EYA2: variants seen among roughly 807,000 people sequenced by gnomAD.
EYA2 encodes EYA transcriptional coactivator and phosphatase 2, also known as protein phosphatase EYA2.
Under a neutral mutation model 69.2 loss-of-function variants are expected in EYA2, and 31 were observed. The ratio of observed to expected loss-of-function variants is 0.45; its 90% CI spans 0.34 to 0.60. The LOEUF (loss-of-function observed/expected upper bound fraction) is 0.60, where lower values mean the gene tolerates loss of function less well. Ranked by LOEUF, EYA2 falls within the 20% of genes least tolerant of loss-of-function variation. The pLI, the probability that EYA2 is intolerant of heterozygous loss-of-function variation, is 0.02. For synonymous variants in EYA2, 257 were observed against 279.4 expected, an observed-to-expected ratio of 0.92 and a Z score of 0.80; for missense variants, 622 against 701.2, an observed-to-expected ratio of 0.89 and a Z score of 1.28.
At chr20:47,006,494 G>A (rs1982724090) in intron 4 of EYA2, among the ~76,000 whole-genome samples, 1 of 152,206 alleles carries the variant, frequency 6.6e-6, no homozygotes, top group Non-Finnish European at 1.5e-5. Flanking sequence ...TTCCTCAATT[G>A]TAAAATTAAT....
intron 9 of EYA2, among the ~76,000 whole-genome samples, chr20:47,125,505 T>C (rs1477987780): frequency 6.6e-6 from 1 of 152,210 alleles, no homozygotes; most frequent in Non-Finnish European, 1.5e-5. Flanking sequence ...CATTTTCTTG[T>C]CTTCCTCTAA....
intron 5 of EYA2, among the ~76,000 whole-genome samples, chr20:47,048,623 G>A (rs2030166602): frequency 6.6e-6 from 1 of 152,204 alleles, no homozygotes; most frequent in Non-Finnish European, 1.5e-5. Flanking sequence ...TTTAATCACA[G>A]CTACTCGGGA....
intron 9 of EYA2, among the ~76,000 whole-genome samples, chr20:47,125,515 A>G (rs1478832760): frequency 6.6e-6 from 1 of 152,084 alleles, no homozygotes; most frequent in Non-Finnish European, 1.5e-5. Flanking sequence ...TCTTCCTCTA[A>G]AAAAAATTTT....
chr20:47,126,397 C>T (rs1179293791), intron 9 of EYA2, among the ~76,000 whole-genome samples: 2 of 152,110 alleles, frequency 1.3e-5, no homozygotes, highest in South Asian at 2.1e-4. Context: ...AGGTAGATGC[C>T]GTGGGTTTTC....
At chr20:46,942,956 G>C (rs1020195054) in intron 1 of EYA2, among the ~76,000 whole-genome samples, 2 of 152,164 alleles carry the variant, frequency 1.3e-5, no homozygotes, top group African/African-American at 4.8e-5. Context: ...AGTAGAGACG[G>C]AGTTTCACCA....
chr20:47,166,226 C>G (rs1004997489), intron 10 of EYA2, among the ~76,000 whole-genome samples: 20 of 151,312 alleles, frequency 1.3e-4, no homozygotes, highest in African/African-American at 4.6e-4. Context: ...ATAGCAAAAC[C>G]TCATCTCTAC....
chr20:47,175,341 G>A (rs2034405694), intron 12 of EYA2, among the ~76,000 whole-genome samples: 1 of 152,212 alleles, frequency 6.6e-6, no homozygotes, highest in Non-Finnish European at 1.5e-5. Flanking sequence ...CATCTAGGAG[G>A]CAGGGGTTGA....
chr20:47,186,692 C>T (rs2034650052), intron 15 of EYA2, among the ~76,000 whole-genome samples: 1 of 152,128 alleles, frequency 6.6e-6, no homozygotes, highest in African/African-American at 2.4e-5. Context: ...GGGTCTCATG[C>T]GCTTCTTGTC....
Position 47,001,735 on chromosome 20 carries a change from G to A in EYA2, c.155+262G>A, listed in dbSNP as rs139494173. Among the ~76,000 whole-genome samples the A allele has an allele frequency of 2.4e-3, 358 of 151,636 alleles. 1 individual carries two copies. The highest frequency in any genetic ancestry group is 8.3e-3 in the African/African-American group (342 of 41,312). On this transcript the variant is annotated intron_variant, in intron 3 of 15. Transcript: ENST00000327619. Reference sequence around the variant, plus strand: ...AAACACACTTAGAATGGGGCCTGGAGCAGAGTGTCCTCAGAGTCTTAGCTA... The same window carrying A: ...AAACACACTTAGAATGGGGCCTGGAACAGAGTGTCCTCAGAGTCTTAGCTA...
intron 9 of EYA2, among the ~76,000 whole-genome samples, chr20:47,101,165 A>G (rs1455352119): frequency 6.6e-6 from 1 of 152,076 alleles, no homozygotes; most frequent in Non-Finnish European, 1.5e-5. Flanking sequence ...AGCTCACTGT[A>G]ACCTCAAACT....
intron 10 of EYA2, among the ~76,000 whole-genome samples, chr20:47,157,707 G>A (rs536744675): frequency 3.9e-5 from 6 of 152,022 alleles, no homozygotes; most frequent in Non-Finnish European, 7.4e-5. Flanking sequence ...ACTGAAATTA[G>A]CCCAAGTGGA....
intron 9 of EYA2, among the ~76,000 whole-genome samples, chr20:47,098,541 C>T (rs2032324297): frequency 6.6e-6 from 1 of 152,138 alleles, no homozygotes. Context: ...ATTTTTGTAT[C>T]TGTGTCTCAC....
rs79677606 is a variant in EYA2 at position 47,144,976 on chromosome 20, C to T, written c.978+1828C>T. ...CGATTGCAAAGATCAAAACCCAACTCGTTTTAACCAAAAGTGGAAATTATT... is the reference window on the plus strand; with the variant it reads ...CGATTGCAAAGATCAAAACCCAACTTGTTTTAACCAAAAGTGGAAATTATT... On this transcript the variant is annotated intron_variant, in intron 10 of 15. Transcript: ENST00000327619. 4.1e-3 allele frequency among the ~76,000 whole-genome samples: 621 copies of T among 152,258 alleles called. 20 individuals are homozygous for T. In the East Asian group the frequency reaches 0.074, roughly 18 times the overall value.
intron 5 of EYA2, among the ~76,000 whole-genome samples, chr20:47,024,682 G>A (rs1983977376): frequency 6.6e-6 from 1 of 152,186 alleles, no homozygotes; most frequent in South Asian, 2.1e-4. Context: ...CTCCACCTGG[G>A]TTTTCCCTTC....
At chr20:47,083,581 A>AAT (rs1001897615) in intron 7 of EYA2, among the ~76,000 whole-genome samples, 1 of 151,580 alleles carries the variant, frequency 6.6e-6, no homozygotes, top group Non-Finnish European at 1.5e-5. Context: ...CCATCTCAAA[A>AAT]AAAAAAAAAA....
At chr20:46,989,680 G>A (rs1014024448) in intron 1 of EYA2, among the ~76,000 whole-genome samples, 7 of 152,226 alleles carry the variant, frequency 4.6e-5, no homozygotes, top group Non-Finnish European at 8.8e-5. Context: ...CAGCTGGGAA[G>A]TTGCCCTAGT....
chr20:47,106,151 T>C (rs1451727939), intron 9 of EYA2, among the ~76,000 whole-genome samples: 1 of 152,186 alleles, frequency 6.6e-6, no homozygotes, highest in Admixed American at 6.5e-5. Context: ...TCCACTTGAG[T>C]CAAAATACAG....
chr20:47,172,570 G>C, intron 11 of EYA2, 137 bp from the exon 12 acceptor site: 2 of 779,096 alleles, frequency 2.6e-6, no homozygotes, highest in East Asian at 2.6e-5. Context: ...ATGCACACTC[G>C]CAGCACCCTG....
At chr20:47,073,334 G>A (rs1045724792) in intron 6 of EYA2, among the ~76,000 whole-genome samples, 2 of 152,088 alleles carry the variant, frequency 1.3e-5, no homozygotes, top group African/African-American at 4.8e-5. Context: ...CTATTGAATT[G>A]ATCTCCATGA....
Sources: gnomAD v4.1 joint callset for allele counts (sites outside exome capture counted in the v4.1 genomes callset) on GRCh38, gnomAD v4.1.1 for gene constraint, MANE v1.5 for transcripts, NCBI Gene and HGNC (gene_info 2026-07-23, HGNC 2026-07-21) for gene names.